Variants in WDHD1 observed in about 807,000 individuals in gnomAD.
WDHD1 encodes WD repeat and HMG-box DNA-binding protein 1.
In WDHD1, 111 loss-of-function variants were observed where a neutral mutation model predicts 135.4. The ratio of observed to expected loss-of-function variants is 0.82; its 90% CI spans 0.70 to 0.96. WDHD1 has a LOEUF of 0.96. WDHD1 is among the 40% of genes least tolerant of loss of function. The pLI is 0.00. For missense variants in WDHD1, 1,351 were observed against 1,336.3 expected, an observed-to-expected ratio of 1.01 and a Z score of -0.17; for synonymous variants, 434 against 439.0, an observed-to-expected ratio of 0.99 and a Z score of 0.14.
At chr14:54,967,417 T>C (rs755989968) in intron 16 of WDHD1, 23 bp from the exon 17 acceptor site, 1 of 1,551,700 alleles carries the variant, frequency 6.4e-7, no homozygotes, top group South Asian at 1.2e-5. Flanking sequence ...AAAAGTTCCA[T>C]CATAAAAATT....
chr14:54,987,434 T>G (rs367755494), intron 13 of WDHD1, 47 bp from the exon 14 acceptor site: 10 of 1,425,796 alleles, frequency 7.0e-6, no homozygotes, highest in Non-Finnish European at 9.5e-6. Flanking sequence ...CATATGATAT[T>G]TACATATATA....
At position 55,008,732 on chromosome 14, in the gene WDHD1, AG is replaced by A; in HGVS notation, c.342-14del. 1 of 1,571,852 alleles carries A rather than the reference AG, an allele frequency of 6.4e-7. No homozygotes were observed. Among genetic ancestry groups the A allele is most frequent in the South Asian group, 1.1e-5 (1 of 87,278 alleles). On this transcript the variant is annotated splice_polypyrimidine_tract_variant and intron_variant, in intron 4 of 25. Transcript: ENST00000360586. ...GACTAGAAAATCACTAAGAACAAAA[AG>A]AGTAACGCAAATGAATAAATGCTAA...
At chr14:54,962,197 T>C (rs190790016) in intron 21 of WDHD1, among the ~76,000 whole-genome samples, 1 of 152,312 alleles carries the variant, frequency 6.6e-6, no homozygotes, top group African/African-American at 2.4e-5. Flanking sequence ...CCCAGATCTG[T>C]CTTCAACATC....
intron 8 of WDHD1, among the ~76,000 whole-genome samples, chr14:55,001,878 A>G (rs1215337302): frequency 6.6e-6 from 1 of 152,222 alleles, no homozygotes; most frequent in East Asian, 1.9e-4. Flanking sequence ...TTCTAATACT[A>G]TGCAAGGGTT....
intron 16 of WDHD1, among the ~76,000 whole-genome samples, chr14:54,968,491 G>A (rs1337424746): frequency 6.6e-6 from 1 of 151,820 alleles, no homozygotes; most frequent in African/African-American, 2.4e-5. Context: ...GCTAGCAGAA[G>A]AAAAGAAATA....
intron 17 of WDHD1, among the ~76,000 whole-genome samples, chr14:54,966,946 G>A (rs962494472): frequency 2.0e-5 from 3 of 152,188 alleles, no homozygotes; most frequent in Non-Finnish European, 4.4e-5. Flanking sequence ...GATGACACAA[G>A]GCTAGGACTA....
At position 54,967,411 on chromosome 14, in the gene WDHD1, G is replaced by A; in HGVS notation, c.2064-17C>T. 2 of 1,559,014 alleles carry A rather than the reference G, an allele frequency of 1.3e-6. No homozygotes were observed. Among genetic ancestry groups the A allele is most frequent in the Non-Finnish European group, 1.7e-6 (2 of 1,154,016 alleles). ...GGAATGCACCTGTTAGTAAAGAAAA[G>A]TTCCATCATAAAAATTTACTAACAT... On this transcript the variant is annotated splice_polypyrimidine_tract_variant and intron_variant, in intron 16 of 25. Transcript: ENST00000360586.
chr14:54,992,232 T>C (rs2041805000), intron 11 of WDHD1, among the ~76,000 whole-genome samples: 1 of 152,010 alleles, frequency 6.6e-6, no homozygotes, highest in African/African-American at 2.4e-5. Flanking sequence ...GGCTCAGGCC[T>C]GTAATCCCAG....
intron 16 of WDHD1, among the ~76,000 whole-genome samples, chr14:54,974,500 T>G (rs553473564): frequency 9.3e-5 from 14 of 150,960 alleles, no homozygotes; most frequent in African/African-American, 3.1e-4. Context: ...TTTGTTTTTT[T>G]TTTTTTTGTT....
intron 18 of WDHD1, among the ~76,000 whole-genome samples, chr14:54,963,801 A>AAC (rs2041296639): frequency 3.0e-5 from 1 of 33,820 alleles, no homozygotes; most frequent in Admixed American, 3.9e-4. Context: ...CTCTGTCTCA[A>AAC]AAAAAAAAAA....
Position 55,008,597 on chromosome 14 carries a change from A to G in WDHD1, c.453+11T>C. 1 of 1,578,662 alleles carries G rather than the reference A, an allele frequency of 6.3e-7. No homozygotes were observed. Among genetic ancestry groups the G allele is most frequent in the South Asian group, 1.2e-5 (1 of 84,270 alleles). ...AGGAAAAACACAAAAAGAGAAGGAAAAAATAATTACCAGAAAGATGTCCTT... is the reference window on the plus strand; with the variant it reads ...AGGAAAAACACAAAAAGAGAAGGAAGAAATAATTACCAGAAAGATGTCCTT... On this transcript the variant is annotated intron_variant, in intron 5 of 25. Coordinates refer to ENST00000360586, the MANE Select transcript of WDHD1 (RefSeq NM_007086.4).
At chr14:54,969,250 T>A (rs944560487) in intron 16 of WDHD1, among the ~76,000 whole-genome samples, 1 of 150,842 alleles carries the variant, frequency 6.6e-6, no homozygotes, top group Non-Finnish European at 1.5e-5. Context: ...GTGGTCTCGA[T>A]CTCCTGACCT....
At chr14:54,962,697 T>C in intron 20 of WDHD1, 41 bp downstream of exon 20, 1 of 1,604,564 alleles carries the variant, frequency 6.2e-7, no homozygotes, top group Non-Finnish European at 8.5e-7. Flanking sequence ...GCCACATCCA[T>C]GATAGTTCTC....
chr14:55,027,018 G>A lies in WDHD1; in HGVS notation c.-17+10C>T, dbSNP rs1055492077. ...CTTGGTGGACGCGGGCAGCCGGAGT[G>A]GGGACTCACCCGGGTGACCGAGCCT... On this transcript the variant is annotated intron_variant, in intron 1 of 25. Coordinates refer to ENST00000360586, the MANE Select transcript of WDHD1 (RefSeq NM_007086.4). 47 of 534,206 alleles carry A rather than the reference G, an allele frequency of 8.8e-5. No individual in the cohort carries two copies. The allele number at this position is 534,206 out of a possible 1,614,324, so 33.1% of individuals were successfully genotyped here.
chr14:54,954,002 T>C (rs1230987685), intron 24 of WDHD1, among the ~76,000 whole-genome samples: 1 of 151,804 alleles, frequency 6.6e-6, no homozygotes, highest in Non-Finnish European at 1.5e-5. Flanking sequence ...GGGATAGCAT[T>C]AGGAGATATA....
intron 24 of WDHD1, among the ~76,000 whole-genome samples, chr14:54,955,206 A>C (rs1475364985): frequency 2.6e-5 from 4 of 152,206 alleles, no homozygotes; most frequent in Non-Finnish European, 5.9e-5. Context: ...TTGTTTTTGG[A>C]GACAGAAATT....
chr14:54,981,577 A>C lies in WDHD1; in HGVS notation c.2026T>G (p.Trp676Gly). 3.7e-6 allele frequency: 6 copies of C among 1,613,694 alleles called. No homozygotes were observed. In the South Asian group the frequency reaches 6.6e-5, roughly 18 times the overall value. ...GGATTTTCATGGATACCAACCACCC[A>C]GTAGTGATCAGATTTTCCTTTGCAG... is the stretch of plus-strand genomic sequence containing the variant. ...EHCKGKSDHY[W>G]VVGIHENPQQ... The change falls in exon 16 of 26, where the codon TGG (tryptophan) becomes GGG (glycine). Residue 676 changes from tryptophan to glycine, a missense_variant. Physicochemically the swap from Trp to Gly is radical, Grantham distance 184 (BLOSUM62 -2). This residue lies in a region of WDHD1 where 1,330 missense variants were observed against 1,296.1 expected (regional missense o/e 1.03). Coordinates refer to ENST00000360586, the MANE Select transcript of WDHD1 (RefSeq NM_007086.4).
At chr14:54,961,476 G>C (rs146347868) in intron 21 of WDHD1, among the ~76,000 whole-genome samples, 270 of 152,180 alleles carry the variant, frequency 1.8e-3, no homozygotes, top group Middle Eastern at 6.8e-3. Flanking sequence ...GCAGCCTTCA[G>C]TTCACACATA....
chr14:55,025,483 G>A (rs1216560034), intron 2 of WDHD1, among the ~76,000 whole-genome samples: 1 of 152,162 alleles, frequency 6.6e-6, no homozygotes, highest in Non-Finnish European at 1.5e-5. Context: ...CACAAGTGTG[G>A]AGGGGCAACC....
Sources: allele counts gnomAD v4.1 joint callset (sites outside exome capture counted in the v4.1 genomes callset), GRCh38; gene constraint gnomAD v4.1.1; regional missense constraint gnomAD v4.1.1; transcripts MANE v1.5; gene names NCBI Gene and HGNC (gene_info 2026-07-23, HGNC 2026-07-21).